Variants in GLI2 observed in about 807,000 individuals in gnomAD.
The protein encoded by GLI2 is transcription activator GLI2.
Under a neutral mutation model 78.9 loss-of-function variants are expected in GLI2, and 22 were observed. The ratio of observed to expected loss-of-function variants is 0.28; its 90% confidence interval spans 0.20 to 0.40. The LOEUF (loss-of-function observed/expected upper bound fraction) is 0.40. Among genes scored for constraint, GLI2 ranks in the 10% least tolerant of loss-of-function variants. GLI2 has a pLI of 1.00. For synonymous variants in GLI2, 974 were observed against 963.7 expected (o/e 1.01, Z -0.20); for missense variants, 2,097 against 2,213.2 (o/e 0.95, Z 1.05).
intron 3 of GLI2, among the ~76,000 whole-genome samples, chr2:120,940,448 C>A (rs747551829): frequency 6.6e-6 from 1 of 152,190 alleles, no homozygotes; most frequent in Non-Finnish European, 1.5e-5. Context: ...TACTCACCAC[C>A]TCCATTCCAT....
intron 2 of GLI2, among the ~76,000 whole-genome samples, chr2:120,924,815 T>C (rs1033829618): frequency 3.9e-5 from 6 of 152,224 alleles, no homozygotes; most frequent in Non-Finnish European, 7.3e-5. Flanking sequence ...TGATGGACTT[T>C]GGAGGCTCCA....
At chr2:120,779,003 C>T (rs1683761786) in intron 1 of GLI2, among the ~76,000 whole-genome samples, 1 of 152,152 alleles carries the variant, frequency 6.6e-6, no homozygotes, top group Non-Finnish European at 1.5e-5. Context: ...TCATGGCTGA[C>T]TCAGGAGCCA....
rs187311995 is a variant in GLI2 at position 120,884,753 on chromosome 2, C to T, written c.149-42608C>T. Among the ~76,000 whole-genome samples the T allele has an allele frequency of 6.6e-5, 10 of 152,172 alleles. No individual in the cohort carries two copies. In the South Asian group the frequency reaches 1.5e-3, roughly 22 times the overall value. ...CGGAGTCCAGCTAGAGTGGGCAGCACGGAGCCAGCAAGTGTTTGTCCTGCC... is the reference window on the plus strand; with the variant it reads ...CGGAGTCCAGCTAGAGTGGGCAGCATGGAGCCAGCAAGTGTTTGTCCTGCC... On this transcript the variant is annotated intron_variant, in intron 2 of 13. Coordinates refer to ENST00000361492, the MANE Select transcript of GLI2 (RefSeq NM_001374353.1).
At chr2:120,978,318 G>A in intron 9 of GLI2, 116 bp from the exon 10 acceptor site, 1 of 1,072,990 alleles carries the variant, frequency 9.3e-7, no homozygotes, top group Non-Finnish European at 1.4e-6. Context: ...TGGATGGTCT[G>A]CACACAGGTC....
At chr2:120,859,960 C>T (rs140008021) in intron 2 of GLI2, among the ~76,000 whole-genome samples, 359 of 152,260 alleles carry the variant, frequency 2.4e-3, no homozygotes, top group African/African-American at 7.2e-3. Context: ...GCCAATACTC[C>T]CTTTTTTGTT....
chr2:120,891,395 G>A (rs1677673006), intron 2 of GLI2, among the ~76,000 whole-genome samples: 1 of 152,154 alleles, frequency 6.6e-6, no homozygotes, highest in Non-Finnish European at 1.5e-5. Context: ...CTCTTCTTCA[G>A]TTTCCTTTTC....
chr2:120,774,461 C>A (rs745433257), intron 1 of GLI2, among the ~76,000 whole-genome samples: 1 of 152,184 alleles, frequency 6.6e-6, no homozygotes, highest in Admixed American at 6.5e-5. Context: ...AAACCCTATA[C>A]CCATTAGCAG....
At chr2:120,829,494 T>G (rs1249239580) in intron 2 of GLI2, among the ~76,000 whole-genome samples, 1 of 151,866 alleles carries the variant, frequency 6.6e-6, no homozygotes, top group Non-Finnish European at 1.5e-5. Context: ...GTAGAAGGAG[T>G]TCCCCCAGCC....
At chr2:120,773,886 C>T (rs1199187522) in intron 1 of GLI2, among the ~76,000 whole-genome samples, 1 of 149,920 alleles carries the variant, frequency 6.7e-6, no homozygotes, top group Non-Finnish European at 1.5e-5. Flanking sequence ...ACCTCCCTTC[C>T]CTCCCTCCCT....
chr2:120,870,841 A>G (rs751844310), intron 2 of GLI2, among the ~76,000 whole-genome samples: 100 of 152,188 alleles, frequency 6.6e-4, no homozygotes, highest in Non-Finnish European at 1.3e-3. Flanking sequence ...GGCGTGTAAT[A>G]CATGCAACCT....
At chr2:120,912,030 C>T (rs947947319) in intron 2 of GLI2, among the ~76,000 whole-genome samples, 1 of 152,088 alleles carries the variant, frequency 6.6e-6, no homozygotes, top group Non-Finnish European at 1.5e-5. Flanking sequence ...TCCTCCTGGT[C>T]CCCCTACTGA....
intron 2 of GLI2, among the ~76,000 whole-genome samples, chr2:120,828,112 AT>A (rs1335197592): frequency 6.6e-6 from 1 of 152,254 alleles, no homozygotes; most frequent in African/African-American, 2.4e-5. Flanking sequence ...CTAAACACCC[AT>A]GGACTTCTAA....
intron 3 of GLI2, among the ~76,000 whole-genome samples, chr2:120,931,214 C>T (rs1240933232): frequency 1.3e-5 from 2 of 152,224 alleles, no homozygotes; most frequent in East Asian, 3.8e-4. Context: ...CTGGAGGCTC[C>T]AGGAGAGACT....
chr2:120,824,007 T>C (rs924871428), intron 2 of GLI2, among the ~76,000 whole-genome samples: 3 of 152,222 alleles, frequency 2.0e-5, no homozygotes, highest in African/African-American at 7.2e-5. Flanking sequence ...TTAATGGAAT[T>C]CTATGGTGAA....
chr2:120,955,152 CCTTTTTTTTTTTTTTTTT>C (rs1344855285), intron 4 of GLI2, 75 bp from the exon 5 acceptor site: 20 of 305,068 alleles, frequency 6.6e-5, no homozygotes, highest in East Asian at 2.9e-4. Context: ...TTTCTCTCTG[CCTTTTTTTTTTTTTTTTT>C]TTTTTTTTTT....
intron 1 of GLI2, among the ~76,000 whole-genome samples, chr2:120,768,799 CTGTGTGTGTGTG>C (rs5833852): frequency 4.1e-5 from 6 of 147,628 alleles, no homozygotes; most frequent in African/African-American, 1.5e-4. Context: ...GGCCCCGCCC[CTGTGTGTGTGTG>C]TGTGTGTGTG....
At chr2:120,777,008 C>T (rs555335961) in intron 1 of GLI2, among the ~76,000 whole-genome samples, 1 of 152,338 alleles carries the variant, frequency 6.6e-6, no homozygotes, top group Admixed American at 6.5e-5. Context: ...GAGGTGGGCA[C>T]CTGACACGGG....
chr2:120,802,222 A>T (rs1017977092), intron 2 of GLI2, among the ~76,000 whole-genome samples: 1 of 152,188 alleles, frequency 6.6e-6, no homozygotes, highest in Non-Finnish European at 1.5e-5. Flanking sequence ...ACTTAGAGTC[A>T]CTATTTCCCT....
At chr2:120,873,440 A>G (rs1688568596) in intron 2 of GLI2, among the ~76,000 whole-genome samples, 1 of 152,208 alleles carries the variant, frequency 6.6e-6, no homozygotes, top group Non-Finnish European at 1.5e-5. Flanking sequence ...TTACTTTTCA[A>G]TTTGACAGAC....
Sources: gnomAD v4.1 joint callset for allele counts (sites outside exome capture counted in the v4.1 genomes callset) on GRCh38, gnomAD v4.1.1 for gene constraint, MANE v1.5 for transcripts, NCBI Gene and HGNC (gene_info 2026-07-23, HGNC 2026-07-21) for gene names.